ANK3: variants seen among roughly 807,000 people sequenced by gnomAD.
The protein encoded by ANK3 is ankyrin-3.
Under a neutral mutation model 370.9 loss-of-function variants are expected in ANK3, and 57 were observed. That is an observed-to-expected ratio of 0.15 (90% confidence interval 0.12 to 0.19). The LOEUF (loss-of-function observed/expected upper bound fraction) is 0.19. ANK3 is among the 10% of genes least tolerant of loss of function. The pLI is 1.00. For synonymous variants in ANK3, 1,929 were observed against 1,946.3 expected (o/e 0.99, Z 0.23); for missense variants, 4,439 against 5,302.1 (o/e 0.84, Z 5.06).
rs1334621138 is a variant in ANK3 at position 60,146,294 on chromosome 10, G to A, written c.2615-7207C>T. On this transcript the variant is annotated intron_variant, in intron 23 of 43. Coordinates refer to ENST00000280772, the MANE Select transcript of ANK3 (RefSeq NM_020987.5). ...ACAAGGCAGGAAGAAGGAGATGCAC[G>A]CTATTAATGTGGTACTTCTAGTAGT... 3.9e-5 allele frequency among the ~76,000 whole-genome samples: 6 copies of A among 152,304 alleles called. No individual in the cohort carries two copies. The East Asian group carries it at 5.8e-4, about 15-fold the overall frequency.
Position 60,042,776 on chromosome 10 carries a change from C to T in ANK3, c.13066-17G>A. The T allele has an allele frequency of 1.2e-6, 2 of 1,611,382 alleles. No individual in the cohort carries two copies. Among genetic ancestry groups the T allele is most frequent in the Non-Finnish European group, 1.7e-6 (2 of 1,179,792 alleles). On this transcript the variant is annotated splice_polypyrimidine_tract_variant and intron_variant, in intron 42 of 43. Coordinates refer to ENST00000280772, the MANE Select transcript of ANK3 (RefSeq NM_020987.5). ...TTCTCCCTGCTTTGAAAGGAGTGTA[C>T]ATATTAAGATTTCACAGTGAAACAG...
chr10:60,220,754 C>A (rs1010053759), intron 8 of ANK3, among the ~76,000 whole-genome samples: 1 of 152,120 alleles, frequency 6.6e-6, no homozygotes, highest in African/African-American at 2.4e-5. Flanking sequence ...CCAAGCTGTA[C>A]CCGAACCACC....
rs544534690 is a variant in ANK3, at chr10:60,400,350, C to T, written c.97-120711G>A. 3.9e-5 allele frequency among the ~76,000 whole-genome samples: 6 copies of T among 152,242 alleles called. No individual in the cohort carries two copies. In the East Asian group the frequency reaches 1.2e-3, roughly 29 times the overall value. On this transcript the variant is annotated intron_variant, in intron 2 of 43. Transcript: ENST00000373827. ...TGGGAAAGGAATAAGAATGCTGATT[C>T]GGCTTCCAACCAAAATCTTTTACAA... is the stretch of plus-strand genomic sequence containing the variant.
intron 23 of ANK3, among the ~76,000 whole-genome samples, chr10:60,146,719 C>T (rs180786981): frequency 6.6e-5 from 10 of 152,242 alleles, no homozygotes; most frequent in African/African-American, 9.6e-5. Flanking sequence ...GAACTCCTGA[C>T]CTCAGATGAT....
chr10:60,430,664 T>A (rs1423995785), intron 2 of ANK3, among the ~76,000 whole-genome samples: 1 of 152,112 alleles, frequency 6.6e-6, no homozygotes, highest in East Asian at 1.9e-4. Flanking sequence ...CCCCAGAGAA[T>A]TTTTTTATTA....
Position 60,492,724 on chromosome 10 carries a change from AG to A in ANK3, c.96+122461del, listed in dbSNP as rs1310209694. On this transcript the variant is annotated intron_variant, in intron 2 of 43. Coordinates refer to the ANK3 transcript ENST00000373827. ...TCTGTCTCAAAAAAAAAAAAAAAAA[AG>A]AAAGAAAGAAAGAAAAAAAAAAGAA... Among the ~76,000 whole-genome samples, 823 of 126,316 alleles carry A rather than the reference AG, an allele frequency of 6.5e-3. 31 individuals are homozygous for A. Among genetic ancestry groups the A allele is most frequent in the African/African-American group, 0.026 (755 of 29,458 alleles). The allele number at this position is 126,316 out of a possible 152,430, so 82.9% of individuals were successfully genotyped here.
chr10:60,389,147 C>A (rs2062836372), intron 1 of ANK3, among the ~76,000 whole-genome samples: 1 of 152,084 alleles, frequency 6.6e-6, no homozygotes, highest in Admixed American at 6.5e-5. Context: ...CCTCACAGCA[C>A]CTTTCCATGT....
intron 9 of ANK3, among the ~76,000 whole-genome samples, chr10:60,211,882 A>G (rs1462418058): frequency 6.9e-6 from 1 of 144,792 alleles, no homozygotes; most frequent in Non-Finnish European, 1.5e-5. Flanking sequence ...TTCATTGTAA[A>G]ATACAGAGCC....
chr10:60,667,862 A>T (rs1454835179), intron 1 of ANK3, among the ~76,000 whole-genome samples: 6 of 151,490 alleles, frequency 4.0e-5, no homozygotes, highest in Admixed American at 2.0e-4. Context: ...TCCTGGTTAG[A>T]GCAATGTTTC....
intron 1 of ANK3, among the ~76,000 whole-genome samples, chr10:60,279,883 C>T (rs889385806): frequency 2.0e-5 from 3 of 152,070 alleles, no homozygotes; most frequent in African/African-American, 4.8e-5. Context: ...ATAAAATTTC[C>T]TATAAAGTAT....
intron 1 of ANK3, among the ~76,000 whole-genome samples, chr10:60,642,502 AATC>A (rs1465535044): frequency 2.0e-5 from 3 of 152,152 alleles, no homozygotes; most frequent in Admixed American, 2.0e-4. Context: ...TGAAATTGGA[AATC>A]ATCATTCTCA....
At chr10:60,423,901 A>G (rs1000221047) in intron 2 of ANK3, among the ~76,000 whole-genome samples, 3 of 152,076 alleles carry the variant, frequency 2.0e-5, no homozygotes, top group African/African-American at 7.2e-5. Context: ...TTCTTTCATA[A>G]AAGTTACCTC....
intron 2 of ANK3, among the ~76,000 whole-genome samples, chr10:60,472,110 C>A (rs567348543): frequency 1.3e-5 from 2 of 152,058 alleles, no homozygotes; most frequent in African/African-American, 4.8e-5. Context: ...AAGCTTATGA[C>A]AAATGTCAAG....
intron 1 of ANK3, among the ~76,000 whole-genome samples, chr10:60,291,147 G>C (rs2041286813): frequency 6.6e-6 from 1 of 152,008 alleles, no homozygotes; most frequent in African/African-American, 2.4e-5. Flanking sequence ...GGGTGGGTGG[G>C]TATTTCTAAT....
intron 2 of ANK3, among the ~76,000 whole-genome samples, chr10:60,531,021 C>G (rs756940445): frequency 2.6e-5 from 4 of 151,992 alleles, no homozygotes; most frequent in Admixed American, 6.6e-5. Context: ...TAAACTTTGT[C>G]TTTAGAATCA....
At chr10:60,260,956 C>T (rs1037276070) in intron 7 of ANK3, among the ~76,000 whole-genome samples, 3 of 152,204 alleles carry the variant, frequency 2.0e-5, no homozygotes, top group Non-Finnish European at 2.9e-5. Context: ...TACACTACTG[C>T]CGCTGCTGTT....
chr10:60,699,305 A>G (rs940551693), intron 1 of ANK3, among the ~76,000 whole-genome samples: 4 of 152,098 alleles, frequency 2.6e-5, no homozygotes, highest in Admixed American at 2.6e-4. Flanking sequence ...AAAAGATTAT[A>G]ATAATAAAAA....
At chr10:60,196,063 C>A in intron 16 of ANK3, 82 bp downstream of exon 16, 1 of 1,259,838 alleles carries the variant, frequency 7.9e-7, no homozygotes, top group East Asian at 2.4e-5. Context: ...GAGGGTGCTC[C>A]TGCTGAAGCA....
chr10:60,704,787 C>T (rs570187691), intron 1 of ANK3, among the ~76,000 whole-genome samples: 11 of 152,254 alleles, frequency 7.2e-5, no homozygotes, highest in South Asian at 6.2e-4. Context: ...ACTATGCTAT[C>T]ATGGTGGGAC....
Sources: allele counts gnomAD v4.1 joint callset (sites outside exome capture counted in the v4.1 genomes callset), GRCh38; gene constraint gnomAD v4.1.1; transcripts MANE v1.5; gene names NCBI Gene and HGNC (gene_info 2026-07-23, HGNC 2026-07-21).